Variants in CATSPERT observed in about 807,000 individuals in gnomAD.
The protein encoded by CATSPERT is cation channel sperm-associated targeting subunit tau.
chr2:201,566,254 A>G, the CATSPERT span, among the ~76,000 whole-genome samples: 5 of 151,104 alleles, frequency 3.3e-5, no homozygotes, highest in South Asian at 2.1e-4. Context: ...TATGTGCACA[A>G]TGTTCAGGTT....
At chr2:201,496,443 A>G in the CATSPERT span, among the ~76,000 whole-genome samples, 2 of 152,210 alleles carry the variant, frequency 1.3e-5, no homozygotes, top group Non-Finnish European at 2.9e-5. Context: ...CCTGGGTTCA[A>G]GAGATTCTTG....
At chr2:201,533,437 C>T in the CATSPERT span, among the ~76,000 whole-genome samples, 2 of 152,198 alleles carry the variant, frequency 1.3e-5, no homozygotes, top group African/African-American at 4.8e-5. Flanking sequence ...ATATATGCCT[C>T]ATGTTTTCCC....
the CATSPERT span, chr2:201,582,305 T>TAG: frequency 1.6e-6 from 2 of 1,234,166 alleles, no homozygotes; most frequent in Non-Finnish European, 1.1e-6. Context: ...ATTACTATAT[T>TAG]ATGCAAATAT....
chr2:201,492,616 T>C, the CATSPERT span: 1 of 1,526,640 alleles, frequency 6.6e-7, no homozygotes, highest in Non-Finnish European at 8.8e-7. Context: ...TGAAATGTTT[T>C]TTAGGAAATA....
the CATSPERT span, among the ~76,000 whole-genome samples, chr2:201,545,042 G>A: frequency 4.6e-5 from 7 of 151,576 alleles, no homozygotes; most frequent in Non-Finnish European, 7.4e-5. Flanking sequence ...ACATTAAAAC[G>A]TCTTTTTTTG....
the CATSPERT span, among the ~76,000 whole-genome samples, chr2:201,588,678 CT>C: frequency 6.7e-6 from 1 of 148,684 alleles, no homozygotes; most frequent in African/African-American, 2.5e-5. Context: ...AACCAATTCC[CT>C]ATTCCCCTTA....
At chr2:201,613,957 C>T in the CATSPERT span, among the ~76,000 whole-genome samples, 2 of 152,120 alleles carry the variant, frequency 1.3e-5, no homozygotes, top group South Asian at 4.2e-4. Flanking sequence ...GAAAGGGTAT[C>T]AGTGATTGAA....
chr2:201,582,052 T>G, the CATSPERT span: 1 of 1,582,428 alleles, frequency 6.3e-7, no homozygotes, highest in East Asian at 2.3e-5. Flanking sequence ...GACAACCAAC[T>G]GGCAACGTGA....
the CATSPERT span, among the ~76,000 whole-genome samples, chr2:201,570,063 T>C: frequency 5.9e-5 from 9 of 152,112 alleles, no homozygotes; most frequent in Non-Finnish European, 1.2e-4. Context: ...ATGCCTGTAT[T>C]TCCAGCTACT....
At chr2:201,528,667 C>A in the CATSPERT span, among the ~76,000 whole-genome samples, 5 of 152,112 alleles carry the variant, frequency 3.3e-5, no homozygotes, top group Non-Finnish European at 1.5e-5. Context: ...GAATAGAAAA[C>A]GAAATACTAC....
the CATSPERT span, among the ~76,000 whole-genome samples, chr2:201,488,408 C>T: frequency 6.6e-6 from 1 of 152,084 alleles, no homozygotes; most frequent in African/African-American, 2.4e-5. Flanking sequence ...TATGTACATA[C>T]AGAGGGAGAG....
At chr2:201,571,341 C>T in the CATSPERT span, among the ~76,000 whole-genome samples, 1 of 152,166 alleles carries the variant, frequency 6.6e-6, no homozygotes, top group Non-Finnish European at 1.5e-5. Flanking sequence ...AGCTTTTTTC[C>T]ATTTCTTATT....
chr2:201,572,040 AT>A, the CATSPERT span: 1 of 1,572,004 alleles, frequency 6.4e-7, no homozygotes, highest in Non-Finnish European at 8.8e-7. Context: ...ATGTAAGTGT[AT>A]TTTAGCACTG....
the CATSPERT span, among the ~76,000 whole-genome samples, chr2:201,617,243 T>A: frequency 6.6e-6 from 1 of 152,214 alleles, no homozygotes; most frequent in Non-Finnish European, 1.5e-5. Context: ...AGAGCCCACA[T>A]TGCCAAGACA....
chr2:201,569,998 A>G, the CATSPERT span, among the ~76,000 whole-genome samples: 4 of 152,138 alleles, frequency 2.6e-5, no homozygotes, highest in Non-Finnish European at 2.9e-5. Context: ...CCTGGGCAAC[A>G]TGGCAAAACC....
the CATSPERT span, among the ~76,000 whole-genome samples, chr2:201,503,481 A>C: frequency 8.5e-5 from 13 of 152,266 alleles, no homozygotes; most frequent in East Asian, 2.1e-3. Flanking sequence ...TGTAGCCTCT[A>C]ACTCCTGGGC....
the CATSPERT span, among the ~76,000 whole-genome samples, chr2:201,489,483 G>T: frequency 1.9e-4 from 29 of 152,170 alleles, 1 homozygote; most frequent in African/African-American, 6.7e-4. Context: ...GAAAGTATAA[G>T]CTGATATTTA....
the CATSPERT span, chr2:201,511,931 T>G: frequency 6.6e-6 from 1 of 151,728 alleles, no homozygotes; most frequent in African/African-American, 2.4e-5. Context: ...TTCTAAAGAT[T>G]TTGTGACTTG....
At chr2:201,585,656 G>A in the CATSPERT span, among the ~76,000 whole-genome samples, 1 of 152,158 alleles carries the variant, frequency 6.6e-6, no homozygotes, top group East Asian at 1.9e-4. Flanking sequence ...TAACATATTA[G>A]TTGAGGGTGA....
Sources: allele counts gnomAD v4.1 joint callset (sites outside exome capture counted in the v4.1 genomes callset), GRCh38; gene constraint gnomAD v4.1.1; transcripts MANE v1.5; gene names NCBI Gene and HGNC (gene_info 2026-07-23, HGNC 2026-07-21).